The following UBN2 variants were observed in gnomAD, a reference collection of about 807,000 sequenced individuals.
UBN2 encodes the protein ubinuclein 2, also known as ubinuclein-2.
Under a neutral mutation model 120.2 loss-of-function variants are expected in UBN2, and 35 were observed. The observed-to-expected ratio is 0.29, with a 90% CI of 0.22 to 0.39. The LOEUF (loss-of-function observed/expected upper bound fraction) is 0.39, where lower values mean the gene tolerates loss of function less well. UBN2 is among the 10% of genes least tolerant of loss of function. UBN2 has a pLI of 1.00. For missense variants in UBN2, 1,693 were observed against 1,663.2 expected (o/e 1.02, Z -0.31); for synonymous variants, 661 against 648.7 (o/e 1.02, Z -0.29).
At chr7:139,259,715 T>G (rs1382451597) in intron 5 of UBN2, among the ~76,000 whole-genome samples, 1 of 152,194 alleles carries the variant, frequency 6.6e-6, no homozygotes, top group Non-Finnish European at 1.5e-5. Flanking sequence ...GTAGCCTATA[T>G]GTAAACAATT....
chr7:139,281,179 G>A (rs2131030291), intron 13 of UBN2, among the ~76,000 whole-genome samples: 1 of 152,294 alleles, frequency 6.6e-6, no homozygotes, highest in Non-Finnish European at 1.5e-5. Context: ...GATACTGGTT[G>A]TGTTAGGATG....
At chr7:139,289,821 GCA>G (rs1221093799) in intron 15 of UBN2, among the ~76,000 whole-genome samples, 2 of 152,078 alleles carry the variant, frequency 1.3e-5, no homozygotes, top group East Asian at 1.9e-4. Context: ...TCCAACTGGG[GCA>G]CACAGCCTTG....
intron 3 of UBN2, among the ~76,000 whole-genome samples, chr7:139,254,254 C>G (rs1796699474): frequency 6.6e-6 from 1 of 152,046 alleles, no homozygotes; most frequent in Admixed American, 6.6e-5. Context: ...GATCGCGCCA[C>G]TGTACTCCAG....
intron 17 of UBN2, 60 bp from the exon 18 acceptor site, chr7:139,297,727 T>G: frequency 6.5e-7 from 1 of 1,531,654 alleles, no homozygotes; most frequent in Non-Finnish European, 9.0e-7. Flanking sequence ...TTGCTTTGTT[T>G]TTGTTAGCTG....
At chr7:139,266,245 A>AT in intron 6 of UBN2, 88 bp from the exon 7 acceptor site, 6 of 794,940 alleles carry the variant, frequency 7.5e-6, no homozygotes, top group Non-Finnish European at 1.2e-5. Flanking sequence ...AAAAAAAAAA[A>AT]GAAAAAAACC....
At chr7:139,235,309 C>G (rs574092383) in intron 1 of UBN2, among the ~76,000 whole-genome samples, 2 of 152,222 alleles carry the variant, frequency 1.3e-5, no homozygotes, top group African/African-American at 4.8e-5. Flanking sequence ...CTGGACATGC[C>G]TAGGATTCCT....
intron 2 of UBN2, among the ~76,000 whole-genome samples, 163 bp downstream of exon 2, chr7:139,237,260 G>A (rs1185489909): frequency 6.6e-6 from 1 of 152,026 alleles, no homozygotes; most frequent in African/African-American, 2.4e-5. Flanking sequence ...ATTCCAACAG[G>A]CTTGTGATAG....
At chr7:139,266,230 A>G (rs1797094695) in intron 6 of UBN2, 103 bp from the exon 7 acceptor site, 1 of 538,534 alleles carries the variant, frequency 1.9e-6, no homozygotes, top group Admixed American at 3.6e-5. Flanking sequence ...CTATCTCAAA[A>G]AAAAAAAAAA....
chr7:139,273,863 C>T (rs1373513788), intron 10 of UBN2, 68 bp from the exon 11 acceptor site: 1 of 1,324,724 alleles, frequency 7.5e-7, no homozygotes, highest in Non-Finnish European at 1.0e-6. Context: ...TTCACATAAT[C>T]TGTATTATTG....
Position 139,272,494 on chromosome 7 carries a change from T to G in UBN2, c.1715+54T>G, listed in dbSNP as rs575693484. 7.8e-5 allele frequency: 86 copies of G among 1,105,080 alleles called. 1 individual carries two copies. In the Middle Eastern group the frequency reaches 8.3e-4, roughly 11 times the overall value. The allele number at this position is 1,105,080 out of a possible 1,614,324, so 68.5% of individuals were successfully genotyped here. On this transcript the variant is annotated intron_variant, in intron 9 of 17. Transcript: ENST00000473989. ...TTTGCATTTGAGAAGTGTATGTACG[T>G]TATGTATGTATGTATGTATGTATGT...
the UBN2 span, among the ~76,000 whole-genome samples, chr7:139,317,121 T>G: frequency 1.3e-5 from 2 of 151,990 alleles, no homozygotes; most frequent in South Asian, 4.2e-4. Flanking sequence ...GTTTAGGTTT[T>G]TCCTTCTCTA....
chr7:139,274,135 A>G lies in UBN2; in HGVS notation c.1973+61A>G, dbSNP rs1585014406. The G allele has an allele frequency of 9.0e-6, 13 of 1,445,706 alleles. No individual in the cohort carries two copies. The East Asian group carries it at 3.2e-4, about 36-fold the overall frequency. The allele number at this position is 1,445,706 out of a possible 1,614,324, so 89.6% of individuals were successfully genotyped here. A position where few individuals can be genotyped will look rare whatever the true frequency, so the allele number is the denominator to read the frequency against. On this transcript the variant is annotated intron_variant, in intron 11 of 17. Transcript: ENST00000473989. Reference sequence around the variant, plus strand: ...TATTATTATTGCTGTTATTAAAGATATACATACACATACACATATGTGACA... The same window carrying G: ...TATTATTATTGCTGTTATTAAAGATGTACATACACATACACATATGTGACA...
chr7:139,327,491 C>T, the UBN2 span, among the ~76,000 whole-genome samples: 3 of 152,060 alleles, frequency 2.0e-5, no homozygotes, highest in African/African-American at 7.2e-5. Context: ...CTGGTGAGGG[C>T]CTTTGTGTTG....
At chr7:139,233,457 A>G (rs1269101220) in intron 1 of UBN2, among the ~76,000 whole-genome samples, 1 of 152,198 alleles carries the variant, frequency 6.6e-6, no homozygotes, top group Non-Finnish European at 1.5e-5. Context: ...ATACATAGCA[A>G]TAACGACATT....
intron 2 of UBN2, among the ~76,000 whole-genome samples, chr7:139,244,374 ATTT>A (rs1229837083): frequency 1.3e-5 from 2 of 152,104 alleles, no homozygotes; most frequent in East Asian, 1.9e-4. Context: ...CTATAAAAAA[ATTT>A]TTTTAAGAGC....
rs771483417 is a variant in UBN2, at chr7:139,283,807, T to C, written c.2902T>C (p.Ser968Pro). 10 of 1,613,938 alleles carry C rather than the reference T, an allele frequency of 6.2e-6. No homozygotes were observed. In the Admixed American group the frequency reaches 1.7e-4, roughly 27 times the overall value. The part of the protein sequence containing the change: ...LSNNPQLSCS[S>P]SLIKTSDKPL... ...TAATAATCCCCAACTCTCCTGTTCC[T>C]CCTCACTTATTAAGACTTCAGATAA... Residue 968 changes from serine (S) to proline (P), a missense_variant, in exon 15 of 18, where the codon TCC (serine) becomes CCC (proline). Physicochemically the swap from Ser to Pro is moderately conservative, Grantham distance 74. Around this residue, in one of 5 missense-constraint regions of UBN2, gnomAD observed 837 missense variants for 817.6 expected, o/e 1.02. Coordinates refer to ENST00000473989, the MANE Select transcript of UBN2 (RefSeq NM_173569.4).
At chr7:139,269,143 A>G (rs1797186503) in intron 7 of UBN2, among the ~76,000 whole-genome samples, 1 of 152,212 alleles carries the variant, frequency 6.6e-6, no homozygotes, top group South Asian at 2.1e-4. Flanking sequence ...CAGGAGGTGG[A>G]GGTTCCAGTA....
the UBN2 span, among the ~76,000 whole-genome samples, chr7:139,316,941 T>C: frequency 2.6e-5 from 4 of 152,052 alleles, no homozygotes; most frequent in Admixed American, 6.6e-5. Context: ...AAATTTCTTT[T>C]TTTTTTCTTG....
chr7:139,270,006 C>T (rs1288763194), intron 8 of UBN2, among the ~76,000 whole-genome samples: 2 of 152,114 alleles, frequency 1.3e-5, no homozygotes, highest in Non-Finnish European at 2.9e-5. Flanking sequence ...GACAGGGTCT[C>T]ACTGTGTTGC....
Sources: allele counts gnomAD v4.1 joint callset (sites outside exome capture counted in the v4.1 genomes callset), GRCh38; gene constraint gnomAD v4.1.1; regional missense constraint gnomAD v4.1.1; transcripts MANE v1.5; gene names NCBI Gene and HGNC (gene_info 2026-07-23, HGNC 2026-07-21).